KCNH1: variants seen among roughly 807,000 people sequenced by gnomAD.
The protein encoded by KCNH1 is voltage-gated delayed rectifier potassium channel KCNH1.
In KCNH1, 27 loss-of-function variants were observed where a neutral mutation model predicts 69.2. The observed-to-expected ratio is 0.39, with a 90% CI of 0.29 to 0.54. The LOEUF is 0.54. KCNH1 is among the 20% of genes least tolerant of loss of function. KCNH1 has a pLI of 0.68. For missense variants in KCNH1, 798 were observed against 1,261.6 expected, an observed-to-expected ratio of 0.63 and a Z score of 5.57; for synonymous variants, 456 against 487.7, an observed-to-expected ratio of 0.93 and a Z score of 0.86.
intron 6 of KCNH1, among the ~76,000 whole-genome samples, chr1:210,928,879 A>G (rs74331247): frequency 0.079 from 12,020 of 152,262 alleles, 675 homozygotes; most frequent in South Asian, 0.18. Flanking sequence ...AATACAAAAG[A>G]TTATTCAAGG....
chr1:211,103,569 C>T lies in KCNH1; in HGVS notation c.237G>A (p.Thr79=), dbSNP rs372470791. 28 of 1,613,242 alleles carry T rather than the reference C, an allele frequency of 1.7e-5. No individual in the cohort carries two copies. Among genetic ancestry groups the T allele is most frequent in the African/African-American group, 6.7e-5 (5 of 75,018 alleles). The part of the protein sequence containing the change: ...FMYGELTDKD[T]IEKVRQTFEN... ...CAAATGTTTGCCGCACTTTTTCAAT[C>T]GTGTCTTTATCAGTCAGCTCCCCAT... Residue 79 remains threonine, a synonymous_variant, in exon 3 of 11, where the codon ACG becomes ACA. Transcript: ENST00000271751.
intron 6 of KCNH1, among the ~76,000 whole-genome samples, chr1:210,955,036 T>C (rs1688141438): frequency 6.6e-6 from 1 of 152,220 alleles, no homozygotes; most frequent in African/African-American, 2.4e-5. Flanking sequence ...CGGTTTTAGG[T>C]CTCACATTTA....
chr1:210,898,062 TC>T, intron 7 of KCNH1, among the ~76,000 whole-genome samples: 1 of 152,142 alleles, frequency 6.6e-6, no homozygotes, highest in East Asian at 1.9e-4. Flanking sequence ...GGCACTACAT[TC>T]TTTTCTCTTT....
intron 9 of KCNH1, among the ~76,000 whole-genome samples, chr1:210,782,101 T>A (rs1683998178): frequency 6.6e-6 from 1 of 152,168 alleles, no homozygotes; most frequent in Admixed American, 6.5e-5. Flanking sequence ...CCCTATTATT[T>A]ATGTCCTCTT....
intron 5 of KCNH1, among the ~76,000 whole-genome samples, chr1:211,048,328 CTGAG>C (rs1486652268): frequency 1.2e-4 from 19 of 152,282 alleles, no homozygotes; most frequent in African/African-American, 3.9e-4. Flanking sequence ...AGTCCCACTC[CTGAG>C]TATCTACCCA....
At chr1:211,008,985 C>CA (rs1169125002) in intron 6 of KCNH1, among the ~76,000 whole-genome samples, 1 of 152,068 alleles carries the variant, frequency 6.6e-6, no homozygotes, top group East Asian at 1.9e-4. Flanking sequence ...GCAAACACCT[C>CA]AATGAAGTGA....
chr1:210,810,387 T>C (rs1351580603), intron 7 of KCNH1, among the ~76,000 whole-genome samples: 1 of 152,208 alleles, frequency 6.6e-6, no homozygotes, highest in Non-Finnish European at 1.5e-5. Context: ...TCCATTTTCA[T>C]CCATTGTGCT....
chr1:210,715,685 TAAGA>T (rs1194406322), intron 10 of KCNH1, among the ~76,000 whole-genome samples: 1 of 152,122 alleles, frequency 6.6e-6, no homozygotes, highest in Non-Finnish European at 1.5e-5. Flanking sequence ...TTTTCAGGGC[TAAGA>T]AAGTGGGGCT....
intron 10 of KCNH1, among the ~76,000 whole-genome samples, chr1:210,774,221 A>G (rs1683813069): frequency 6.6e-6 from 1 of 152,214 alleles, no homozygotes; most frequent in African/African-American, 2.4e-5. Context: ...TCAAGCAGCC[A>G]TAAGAAGGAA....
At chr1:210,802,930 A>C (rs1358221982) in intron 8 of KCNH1, among the ~76,000 whole-genome samples, 2 of 152,158 alleles carry the variant, frequency 1.3e-5, no homozygotes, top group African/African-American at 4.8e-5. Flanking sequence ...AACAAAAAAA[A>C]AGAGTAACTC....
intron 10 of KCNH1, among the ~76,000 whole-genome samples, chr1:210,735,410 ATGAG>A (rs1301346598): frequency 1.4e-3 from 179 of 129,772 alleles, no homozygotes; most frequent in African/African-American, 4.1e-3. Flanking sequence ...GTGTGAGTGA[ATGAG>A]TGAGTGAGTG....
chr1:210,881,205 A>G (rs6666924), intron 7 of KCNH1, among the ~76,000 whole-genome samples: 34,873 of 151,932 alleles, frequency 0.23, 4,061 homozygotes, highest in African/African-American at 0.28. Flanking sequence ...CTTTCACTAC[A>G]TTGCCCAGGC....
intron 1 of KCNH1, among the ~76,000 whole-genome samples, chr1:211,126,062 G>C (rs141795253): frequency 1.9e-3 from 296 of 152,312 alleles, no homozygotes; most frequent in African/African-American, 6.9e-3. Flanking sequence ...ACTGTGATCT[G>C]TTCAGCAAGA....
chr1:210,826,625 G>T (rs1459429746), intron 7 of KCNH1, among the ~76,000 whole-genome samples: 3 of 152,142 alleles, frequency 2.0e-5, no homozygotes, highest in African/African-American at 7.2e-5. Context: ...AAAAAAGCTA[G>T]CAACCCCCAG....
At chr1:210,963,675 C>A (rs191544151) in intron 6 of KCNH1, among the ~76,000 whole-genome samples, 1 of 151,256 alleles carries the variant, frequency 6.6e-6, no homozygotes, top group African/African-American at 2.4e-5. Flanking sequence ...ATTGATCAAG[C>A]GGAAGAAAGG....
intron 6 of KCNH1, among the ~76,000 whole-genome samples, chr1:210,983,837 C>A (rs1688767686): frequency 6.6e-6 from 1 of 152,162 alleles, no homozygotes; most frequent in Non-Finnish European, 1.5e-5. Context: ...ATGGGAATGG[C>A]ATTCAATCTA....
chr1:211,017,055 T>C (rs1380930179), intron 6 of KCNH1, among the ~76,000 whole-genome samples: 2 of 152,034 alleles, frequency 1.3e-5, no homozygotes, highest in Non-Finnish European at 2.9e-5. Flanking sequence ...CCCCAGAGAA[T>C]TAGTCTTTGG....
intron 5 of KCNH1, among the ~76,000 whole-genome samples, chr1:211,050,101 G>T (rs1339100439): frequency 6.6e-6 from 1 of 151,844 alleles, no homozygotes; most frequent in African/African-American, 2.4e-5. Context: ...AGGGTGATAA[G>T]AAACCTTGGT....
chr1:211,085,654 T>G (rs1006945100), intron 4 of KCNH1, among the ~76,000 whole-genome samples: 1 of 152,074 alleles, frequency 6.6e-6, no homozygotes, highest in Admixed American at 6.5e-5. Context: ...AGAAGCAACC[T>G]AGGAGGCTCC....
Sources: gnomAD v4.1 joint callset for allele counts (sites outside exome capture counted in the v4.1 genomes callset) on GRCh38, gnomAD v4.1.1 for gene constraint, MANE v1.5 for transcripts, NCBI Gene and HGNC (gene_info 2026-07-23, HGNC 2026-07-21) for gene names.